The following LRFN5 variants were observed in gnomAD, a reference collection of about 807,000 sequenced individuals.
LRFN5 encodes leucine rich repeat and fibronectin type III domain containing 5, also known as leucine-rich repeat and fibronectin type-III domain-containing protein 5.
In LRFN5, 24 loss-of-function variants were observed where a neutral mutation model predicts 45.6. The observed-to-expected ratio is 0.53, with a 90% confidence interval of 0.38 to 0.74. The LOEUF (loss-of-function observed/expected upper bound fraction) is 0.74. LRFN5 is among the 30% of genes least tolerant of loss of function. LRFN5 has a pLI of 0.00. For synonymous variants in LRFN5, 340 were observed against 313.8 expected (o/e 1.08, Z -0.88); for missense variants, 776 against 861.5 (o/e 0.90, Z 1.24).
chr14:41,820,310 T>A (rs936399803), intron 2 of LRFN5, among the ~76,000 whole-genome samples: 1 of 152,102 alleles, frequency 6.6e-6, no homozygotes, highest in Non-Finnish European at 1.5e-5. Context: ...GAGATATGGA[T>A]CCAGTTTTAT....
At chr14:41,629,090 C>T (rs1373449357) in intron 1 of LRFN5, among the ~76,000 whole-genome samples, 2 of 152,064 alleles carry the variant, frequency 1.3e-5, no homozygotes, top group Non-Finnish European at 2.9e-5. Flanking sequence ...ATTGAAGATG[C>T]CATATGTCTC....
chr14:41,791,813 C>G (rs1323322557), intron 2 of LRFN5, among the ~76,000 whole-genome samples: 1 of 152,042 alleles, frequency 6.6e-6, no homozygotes, highest in Non-Finnish European at 1.5e-5. Flanking sequence ...AAAGATGAGG[C>G]TATTCTGAAA....
chr14:41,650,956 C>T (rs953436226), intron 1 of LRFN5, among the ~76,000 whole-genome samples: 4 of 150,646 alleles, frequency 2.7e-5, no homozygotes, highest in African/African-American at 9.8e-5. Flanking sequence ...GGCGTTTATG[C>T]AGTGACTAAA....
chr14:41,633,819 G>C (rs771148839), intron 1 of LRFN5, among the ~76,000 whole-genome samples: 13 of 151,932 alleles, frequency 8.6e-5, no homozygotes, highest in Non-Finnish European at 1.3e-4. Flanking sequence ...TAAAATAATG[G>C]AATAGACCCT....
intron 1 of LRFN5, among the ~76,000 whole-genome samples, chr14:41,734,888 T>G (rs1884357536): frequency 6.6e-6 from 1 of 152,120 alleles, no homozygotes; most frequent in Non-Finnish European, 1.5e-5. Flanking sequence ...TTTAAGCTAA[T>G]AATAACTTAA....
At chr14:41,710,600 A>AAT (rs1883240986) in intron 1 of LRFN5, among the ~76,000 whole-genome samples, 1 of 52,384 alleles carries the variant, frequency 1.9e-5, no homozygotes, top group Non-Finnish European at 3.1e-5. Context: ...AACAAATTAA[A>AAT]ACATATATAT....
chr14:41,673,231 T>C (rs1182541732), intron 1 of LRFN5, among the ~76,000 whole-genome samples: 1 of 151,906 alleles, frequency 6.6e-6, no homozygotes, highest in African/African-American at 2.4e-5. Flanking sequence ...AGCTGTTGGG[T>C]ACACCTCCCA....
intron 2 of LRFN5, among the ~76,000 whole-genome samples, chr14:41,781,754 T>G (rs963016466): frequency 6.6e-6 from 1 of 152,018 alleles, no homozygotes; most frequent in Non-Finnish European, 1.5e-5. Context: ...GTTTTTATTT[T>G]CTTTGAGAAA....
intron 1 of LRFN5, among the ~76,000 whole-genome samples, chr14:41,635,392 C>G (rs1879256855): frequency 6.6e-6 from 1 of 151,974 alleles, no homozygotes; most frequent in South Asian, 2.1e-4. Flanking sequence ...CTTTATAAAC[C>G]AAAGAACCCA....
At chr14:41,878,074 C>A (rs1427251359) in intron 2 of LRFN5, among the ~76,000 whole-genome samples, 1 of 151,802 alleles carries the variant, frequency 6.6e-6, no homozygotes, top group African/African-American at 2.4e-5. Context: ...ACGGAGAATG[C>A]AGTTAAAATG....
At chr14:41,615,349 A>G (rs1183092664) in intron 1 of LRFN5, among the ~76,000 whole-genome samples, 1 of 152,154 alleles carries the variant, frequency 6.6e-6, no homozygotes, top group Admixed American at 6.6e-5. Context: ...ACACAAGTCT[A>G]ATTCCTGAGA....
chr14:41,659,892 G>GTTT (rs11352345), intron 1 of LRFN5, among the ~76,000 whole-genome samples: 1 of 123,894 alleles, frequency 8.1e-6, no homozygotes, highest in Non-Finnish European at 1.8e-5. Flanking sequence ...ACTTTTTGAT[G>GTTT]TTTTTTTTTT....
At chr14:41,733,251 C>A (rs752961720) in intron 1 of LRFN5, among the ~76,000 whole-genome samples, 1 of 151,942 alleles carries the variant, frequency 6.6e-6, no homozygotes, top group South Asian at 2.1e-4. Context: ...GGGATGAACT[C>A]AAAGACAGCC....
chr14:41,895,934 C>T (rs1271461353), intron 4 of LRFN5, among the ~76,000 whole-genome samples: 1 of 152,006 alleles, frequency 6.6e-6, no homozygotes, highest in Non-Finnish European at 1.5e-5. Flanking sequence ...AAATGTGATC[C>T]ATTTGTCTCC....
intron 2 of LRFN5, among the ~76,000 whole-genome samples, chr14:41,843,948 A>G (rs1888958075): frequency 6.6e-6 from 1 of 152,242 alleles, no homozygotes; most frequent in African/African-American, 2.4e-5. Context: ...TCACTGTTAT[A>G]GAAATAGCTT....
In LRFN5 at chr14:41,681,344, A is replaced by G. The variant is rs1358772234; in HGVS notation, c.-197+72782A>G. ...ATAATTAAACTCCCAAAGATCAAGG[A>G]TAAAGAAAAGATTTTAAAAATAACA... On this transcript the variant is annotated intron_variant, in intron 1 of 5. Transcript: ENST00000298119. 2.0e-5 allele frequency among the ~76,000 whole-genome samples: 3 copies of G among 152,204 alleles called. No homozygotes were observed. In the South Asian group the frequency reaches 6.2e-4, roughly 31 times the overall value.
At chr14:41,685,055 G>C (rs927493193) in intron 1 of LRFN5, among the ~76,000 whole-genome samples, 1 of 152,138 alleles carries the variant, frequency 6.6e-6, no homozygotes, top group Non-Finnish European at 1.5e-5. Context: ...AAAGGTGCTA[G>C]GCATTATTAA....
At chr14:41,646,142 C>T (rs1879808466) in intron 1 of LRFN5, among the ~76,000 whole-genome samples, 1 of 151,924 alleles carries the variant, frequency 6.6e-6, no homozygotes, top group Non-Finnish European at 1.5e-5. Flanking sequence ...CTTCTTTTAG[C>T]CATTTGAAAC....
chr14:41,630,239 C>T (rs1888487005), intron 1 of LRFN5, among the ~76,000 whole-genome samples: 1 of 152,054 alleles, frequency 6.6e-6, no homozygotes, highest in African/African-American at 2.4e-5. Flanking sequence ...TAGGAAGGAC[C>T]TATATACATC....
Sources: allele counts gnomAD v4.1 joint callset (sites outside exome capture counted in the v4.1 genomes callset), GRCh38; gene constraint gnomAD v4.1.1; transcripts MANE v1.5; gene names NCBI Gene and HGNC (gene_info 2026-07-23, HGNC 2026-07-21).